Variants in CNTN4 observed in about 807,000 individuals in gnomAD.
CNTN4 encodes contactin 4, also known as contactin-4.
In CNTN4, 77 loss-of-function variants were observed where a neutral mutation model predicts 122.5. The ratio of observed to expected loss-of-function variants is 0.63; its 90% CI spans 0.52 to 0.76. The LOEUF is 0.76. Ranked by LOEUF, CNTN4 falls within the 30% of genes least tolerant of loss-of-function variation. The pLI is 0.00. For missense variants in CNTN4, 1,256 were observed against 1,259.1 expected, an observed-to-expected ratio of 1.00 and a Z score of 0.04; for synonymous variants, 512 against 447.0, an observed-to-expected ratio of 1.15 and a Z score of -1.83.
intron 2 of CNTN4, among the ~76,000 whole-genome samples, chr3:2,318,142 A>G (rs1349548641): frequency 1.3e-5 from 2 of 151,034 alleles, no homozygotes; most frequent in East Asian, 3.9e-4. Context: ...GGCCCATGAT[A>G]TTGAGGCCAC....
intron 4 of CNTN4, among the ~76,000 whole-genome samples, chr3:2,704,908 G>A (rs528337416): frequency 6.6e-5 from 10 of 152,178 alleles, no homozygotes; most frequent in Admixed American, 3.3e-4. Context: ...TCAACTTACA[G>A]TCTAAACACT....
At chr3:2,834,457 T>C (rs1209387312) in intron 7 of CNTN4, among the ~76,000 whole-genome samples, 3 of 152,000 alleles carry the variant, frequency 2.0e-5, no homozygotes, top group Non-Finnish European at 4.4e-5. Context: ...TCCCAGCTAC[T>C]TGGGAGGCTT....
rs58112641 is a variant in CNTN4, at chr3:2,400,428, C to CATATATATATATAT, written c.-89+61204_-89+61217dup. Among the ~76,000 whole-genome samples, 311 of 95,678 alleles carry CATATATATATATAT rather than the reference C, an allele frequency of 3.3e-3. 1 individual carries two copies. Among genetic ancestry groups the CATATATATATATAT allele is most frequent in the Middle Eastern group, 0.013 (2 of 156 alleles). 62.8% of individuals were successfully genotyped at this position (95,678 alleles called of 152,430 possible). A position where few individuals can be genotyped will look rare whatever the true frequency, so the allele number is the denominator to read the frequency against. ...GAATATATATATATATATATATATA[C>CATATATATATATAT]ATATATATATATATATATATATCTC... On this transcript the variant is annotated intron_variant, in intron 3 of 24. Transcript: ENST00000418658.
intron 2 of CNTN4, among the ~76,000 whole-genome samples, chr3:2,170,239 G>A (rs1245217757): frequency 6.6e-6 from 1 of 151,894 alleles, no homozygotes; most frequent in African/African-American, 2.4e-5. Flanking sequence ...AGAATGGCGG[G>A]AACCCGGGAG....
intron 4 of CNTN4, among the ~76,000 whole-genome samples, chr3:2,576,399 C>T (rs1010073449): frequency 1.3e-5 from 2 of 152,166 alleles, no homozygotes; most frequent in African/African-American, 4.8e-5. Context: ...TATGGACTAG[C>T]AATACTATGA....
chr3:2,819,266 A>G (rs561521754), intron 6 of CNTN4, among the ~76,000 whole-genome samples: 10 of 152,226 alleles, frequency 6.6e-5, no homozygotes, highest in Non-Finnish European at 1.2e-4. Context: ...AAATCTAAAT[A>G]GGCACGTGTG....
At chr3:2,466,036 C>T (rs920986067) in intron 3 of CNTN4, among the ~76,000 whole-genome samples, 1 of 152,220 alleles carries the variant, frequency 6.6e-6, no homozygotes, top group East Asian at 1.9e-4. Flanking sequence ...GTCAAAGATA[C>T]CAGGGAATTC....
intron 2 of CNTN4, among the ~76,000 whole-genome samples, chr3:2,303,283 T>G (rs546324278): frequency 2.0e-5 from 3 of 152,290 alleles, no homozygotes; most frequent in Non-Finnish European, 1.5e-5. Flanking sequence ...GAGTGAATAA[T>G]AATTATAATA....
intron 12 of CNTN4, among the ~76,000 whole-genome samples, chr3:2,905,101 G>T (rs1407745423): frequency 6.6e-6 from 1 of 152,064 alleles, no homozygotes; most frequent in Admixed American, 6.5e-5. Flanking sequence ...CTAGTACTAG[G>T]ATTCAAGGCC....
chr3:2,407,511 A>G (rs1428413312), intron 3 of CNTN4, among the ~76,000 whole-genome samples: 2 of 152,190 alleles, frequency 1.3e-5, no homozygotes, highest in African/African-American at 2.4e-5. Flanking sequence ...CAAAACATAT[A>G]AAAATCATAA....
At chr3:2,355,575 C>T (rs964442465) in intron 3 of CNTN4, among the ~76,000 whole-genome samples, 1 of 152,212 alleles carries the variant, frequency 6.6e-6, no homozygotes, top group Non-Finnish European at 1.5e-5. Flanking sequence ...ACTTAGCATT[C>T]TCTCTTCTTC....
chr3:2,140,591 C>T (rs1011774762), intron 2 of CNTN4, among the ~76,000 whole-genome samples: 2 of 152,074 alleles, frequency 1.3e-5, no homozygotes, highest in Non-Finnish European at 2.9e-5. Context: ...GGCGCTAACC[C>T]CATTCATGTC....
At chr3:2,987,099 A>C (rs570860764) in intron 13 of CNTN4, among the ~76,000 whole-genome samples, 1 of 152,338 alleles carries the variant, frequency 6.6e-6, no homozygotes, top group East Asian at 1.9e-4. Context: ...ATGTCCAGAT[A>C]CAGGGAAATG....
chr3:2,875,666 T>C (rs981037916), intron 8 of CNTN4, among the ~76,000 whole-genome samples: 1 of 152,202 alleles, frequency 6.6e-6, no homozygotes, highest in Non-Finnish European at 1.5e-5. Context: ...GAAAAAACTT[T>C]GTTAACCCTT....
chr3:2,222,032 G>T lies in CNTN4; in HGVS notation c.-144-117146G>T, dbSNP rs116795570. 6.1e-3 allele frequency among the ~76,000 whole-genome samples: 923 copies of T among 152,196 alleles called. 4 individuals carry two copies. The highest frequency in any genetic ancestry group is 0.022 in the African/African-American group (899 of 41,524). Reference sequence around the variant, plus strand: ...TAAAATAGAGTTAACATTTCACCCAGTAATGCCACTACTAGGTATATACCC... The same window carrying T: ...TAAAATAGAGTTAACATTTCACCCATTAATGCCACTACTAGGTATATACCC... On this transcript the variant is annotated intron_variant, in intron 2 of 24. Transcript: ENST00000418658.
intron 3 of CNTN4, among the ~76,000 whole-genome samples, chr3:2,453,142 A>T (rs925065160): frequency 3.8e-4 from 58 of 152,120 alleles, no homozygotes; most frequent in Non-Finnish European, 6.5e-4. Context: ...TTGTGGAACA[A>T]TCTTCTTGTA....
chr3:2,696,134 C>G (rs756749069), intron 4 of CNTN4, among the ~76,000 whole-genome samples: 3 of 152,200 alleles, frequency 2.0e-5, no homozygotes, highest in Non-Finnish European at 4.4e-5. Flanking sequence ...AGAATTTTGG[C>G]TCTACGGCCA....
At chr3:2,604,142 A>G (rs1033533079) in intron 4 of CNTN4, among the ~76,000 whole-genome samples, 3 of 152,214 alleles carry the variant, frequency 2.0e-5, no homozygotes, top group African/African-American at 4.8e-5. Flanking sequence ...AAAAGAAAGT[A>G]GGATTCTACC....
At chr3:2,133,540 A>T (rs1277796001) in intron 2 of CNTN4, among the ~76,000 whole-genome samples, 1 of 152,170 alleles carries the variant, frequency 6.6e-6, no homozygotes, top group African/African-American at 2.4e-5. Flanking sequence ...AAGCTTTTTG[A>T]AAGCTTTTCT....
Sources: gnomAD v4.1 joint callset for allele counts (sites outside exome capture counted in the v4.1 genomes callset) on GRCh38, gnomAD v4.1.1 for gene constraint, MANE v1.5 for transcripts, NCBI Gene and HGNC (gene_info 2026-07-23, HGNC 2026-07-21) for gene names.